LRRC37A: variants seen among roughly 807,000 people sequenced by gnomAD.
The protein encoded by LRRC37A is leucine rich repeat containing 37A.
In LRRC37A, 3 loss-of-function variants were observed where a neutral mutation model predicts 35.4. The ratio of observed to expected loss-of-function variants is 0.08; its 90% CI spans 0.04 to 0.22. The LOEUF (loss-of-function observed/expected upper bound fraction) is 0.22, where lower values mean the gene tolerates loss of function less well. Among genes scored for constraint, LRRC37A ranks in the 10% least tolerant of loss-of-function variants. The pLI, the probability that LRRC37A is intolerant of heterozygous loss-of-function variation, is 1.00. For missense variants in LRRC37A, 67 were observed against 565.3 expected (o/e 0.12, Z 8.94); for synonymous variants, 23 against 215.0 (o/e 0.11, Z 7.81).
chr17:46,273,743 T>C, the LRRC37A span, among the ~76,000 whole-genome samples: 1 of 152,302 alleles, frequency 6.6e-6, no homozygotes, highest in South Asian at 2.1e-4. Flanking sequence ...ACATGCAAAA[T>C]ACATCTTCCT....
the LRRC37A span, chr17:46,267,372 G>A: frequency 9.2e-7 from 1 of 1,086,892 alleles, no homozygotes; most frequent in Admixed American, 2.4e-5. Context: ...CGGGCATCTG[G>A]CTGGTGACCC....
the LRRC37A span, among the ~76,000 whole-genome samples, chr17:46,279,184 CT>C: frequency 2.4e-3 from 329 of 136,938 alleles, no homozygotes; most frequent in African/African-American, 5.5e-3. Context: ...TCTTTTTTTT[CT>C]TTTTTTTTTT....
chr17:46,282,111 GT>G, the LRRC37A span, among the ~76,000 whole-genome samples: 1 of 149,946 alleles, frequency 6.7e-6, no homozygotes, highest in African/African-American at 2.5e-5. Context: ...TTTTGTTTTT[GT>G]TTTTTTTTGA....
the LRRC37A span, chr17:46,268,492 T>A: frequency 7.4e-7 from 1 of 1,357,124 alleles, no homozygotes; most frequent in Non-Finnish European, 9.6e-7. Flanking sequence ...ATGTTCTGGT[T>A]ATTTTGTCCA....
At chr17:46,291,422 G>C (rs552278626), upstream of LRRC37A, among the ~76,000 whole-genome samples, 11 of 152,236 alleles carry the variant, frequency 7.2e-5, no homozygotes, top group Admixed American at 5.9e-4. Context: ...GAAGGAGGAA[G>C]TGGTGGCTGA....
chr17:46,319,222 T>G (rs2051270543), intron 5 of LRRC37A, among the ~76,000 whole-genome samples: 1 of 61,932 alleles, frequency 1.6e-5, no homozygotes, highest in Non-Finnish European at 4.0e-5. Context: ...ATTTTTTTTT[T>G]TTTTTTTTTT....
At chr17:46,286,139 G>A in the LRRC37A span, among the ~76,000 whole-genome samples, 1 of 152,240 alleles carries the variant, frequency 6.6e-6, no homozygotes, top group African/African-American at 2.4e-5. Flanking sequence ...ATGGGATGAT[G>A]TTACTTATAA....
the LRRC37A span, among the ~76,000 whole-genome samples, chr17:46,265,674 C>A: frequency 1.3e-5 from 2 of 152,092 alleles, no homozygotes; most frequent in African/African-American, 4.8e-5. Flanking sequence ...GACAGGGTCT[C>A]TCCATGTTGC....
upstream of LRRC37A, among the ~76,000 whole-genome samples, chr17:46,287,817 A>G (rs1258549259): frequency 6.6e-6 from 1 of 152,220 alleles, no homozygotes; most frequent in African/African-American, 2.4e-5. Flanking sequence ...GGCAAGGCGG[A>G]GCTGTGTAAG....
At chr17:46,275,442 C>T in the LRRC37A span, 1 of 868,492 alleles carries the variant, frequency 1.2e-6, no homozygotes, top group South Asian at 1.4e-5. Context: ...AAAAAGGGAA[C>T]AATTGAGCAC....
the LRRC37A span, among the ~76,000 whole-genome samples, chr17:46,283,501 C>A: frequency 6.6e-6 from 1 of 152,212 alleles, no homozygotes; most frequent in Non-Finnish European, 1.5e-5. Flanking sequence ...GTTTTAAATG[C>A]GATACATGAA....
intron 7 of LRRC37A, among the ~76,000 whole-genome samples, chr17:46,323,770 A>C (rs2051536984): frequency 9.7e-6 from 1 of 103,598 alleles, no homozygotes; most frequent in African/African-American, 3.1e-5. Flanking sequence ...CTGGCCCTCC[A>C]TATCTGCAGG....
chr17:46,273,883 C>A, the LRRC37A span, among the ~76,000 whole-genome samples: 18,490 of 152,232 alleles, frequency 0.12, no homozygotes, highest in Non-Finnish European at 0.18. Context: ...GTCCTTCATA[C>A]AATATAAGTA....
the LRRC37A span, among the ~76,000 whole-genome samples, chr17:46,266,355 G>C: frequency 6.6e-5 from 10 of 152,278 alleles, no homozygotes; most frequent in African/African-American, 1.9e-4. Flanking sequence ...AGTTTAGGCT[G>C]TGATGCTATC....
upstream of LRRC37A, among the ~76,000 whole-genome samples, chr17:46,288,303 G>A (rs113725307): frequency 0.032 from 3,778 of 119,792 alleles, no homozygotes; most frequent in Middle Eastern, 0.067. Flanking sequence ...CACCAGGCCC[G>A]GCTTTTTTTT....
At chr17:46,269,217 G>A in the LRRC37A span, among the ~76,000 whole-genome samples, 8 of 152,178 alleles carry the variant, frequency 5.3e-5, no homozygotes, top group Non-Finnish European at 8.8e-5. Flanking sequence ...CAAAGCCCAG[G>A]ACAAGGATTA....
At chr17:46,248,723 T>C in the LRRC37A span, among the ~76,000 whole-genome samples, 1 of 152,148 alleles carries the variant, frequency 6.6e-6, no homozygotes. Context: ...TTTCACCATG[T>C]TGGCCAGGCT....
In LRRC37A at chr17:46,317,080, A is replaced by C. The variant is rs2051175959; in HGVS notation, c.2907-5242A>C. On this transcript the variant is annotated intron_variant, in intron 5 of 13. Coordinates refer to ENST00000320254, the Ensembl canonical transcript of LRRC37A. ...CCCACATTTCCCCCTTTTCTATTCA[A>C]CAAAACCGCCATTGTCATCATGGCC... 2.4e-5 allele frequency among the ~76,000 whole-genome samples: 2 copies of C among 85,024 alleles called. 1 individual carries two copies. Among genetic ancestry groups the C allele is most frequent in the African/African-American group, 6.2e-5 (2 of 32,362 alleles). The allele number at this position is 85,024 out of a possible 152,430, so 55.8% of individuals were successfully genotyped here.
At chr17:46,263,550 CAAA>C in the LRRC37A span, among the ~76,000 whole-genome samples, 4 of 63,628 alleles carry the variant, frequency 6.3e-5, no homozygotes, top group South Asian at 5.2e-4. Flanking sequence ...GACTCTGTCT[CAAA>C]AAAAAAAAAA....
Sources: allele counts gnomAD v4.1 joint callset (sites outside exome capture counted in the v4.1 genomes callset), GRCh38; gene constraint gnomAD v4.1.1; transcripts MANE v1.5; gene names NCBI Gene and HGNC (gene_info 2026-07-23, HGNC 2026-07-21).